CSPP1: variants seen among roughly 807,000 people sequenced by gnomAD.
CSPP1 encodes the protein centrosome and spindle pole associated protein 1.
Under a neutral mutation model 164.4 loss-of-function variants are expected in CSPP1, and 126 were observed. That is an observed-to-expected ratio of 0.77 (90% CI 0.66 to 0.89). The LOEUF is 0.89. Ranked by LOEUF, CSPP1 falls within the 40% of genes least tolerant of loss-of-function variation. The pLI, the probability that CSPP1 is intolerant of heterozygous loss-of-function variation, is 0.00. For missense variants in CSPP1, 1,395 were observed against 1,449.8 expected, an observed-to-expected ratio of 0.96 and a Z score of 0.61; for synonymous variants, 472 against 476.7, an observed-to-expected ratio of 0.99 and a Z score of 0.13.
rs750088196 is a variant in CSPP1, at chr8:67,118,788, C to T, written c.1664C>T (p.Ala555Val). The T allele has an allele frequency of 2.5e-6, 4 of 1,611,860 alleles. No individual in the cohort carries two copies. The South Asian group carries it at 3.3e-5, about 13-fold the overall frequency. ...MGVQPAAYVS[A>V]PVTHQLAQPV... ...GTACAGCCTGCAGCTTATGTTAGTG[C>T]TCCTGTCACCCACCAACTAGCACAA... is the stretch of plus-strand genomic sequence containing the variant. The change falls in exon 15 of 31, where the codon GCT becomes GTT. Residue 555 changes from alanine to valine, a missense_variant. By Grantham distance (64) the Ala-to-Val change is moderately conservative (BLOSUM62 0). Coordinates refer to ENST00000678616, the MANE Select transcript of CSPP1 (RefSeq NM_001382391.1).
At chr8:67,107,884 A>G (rs935933944) in intron 9 of CSPP1, among the ~76,000 whole-genome samples, 1 of 151,850 alleles carries the variant, frequency 6.6e-6, no homozygotes, top group Non-Finnish European at 1.5e-5. Flanking sequence ...TTTTCCTTCT[A>G]TCTTTTTTGT....
chr8:67,129,660 G>A (rs561279366), intron 15 of CSPP1, among the ~76,000 whole-genome samples: 14 of 152,266 alleles, frequency 9.2e-5, no homozygotes, highest in African/African-American at 2.6e-4. Context: ...ATATTCATGC[G>A]ATGAAGTACT....
chr8:67,182,042 C>A (rs904403796), intron 28 of CSPP1, among the ~76,000 whole-genome samples: 1 of 152,136 alleles, frequency 6.6e-6, no homozygotes, highest in Non-Finnish European at 1.5e-5. Context: ...ACCCTTGCCA[C>A]CCAGGCTGGA....
chr8:67,149,475 T>A (rs1393284322), intron 17 of CSPP1, among the ~76,000 whole-genome samples: 1 of 152,192 alleles, frequency 6.6e-6, no homozygotes, highest in Non-Finnish European at 1.5e-5. Context: ...CTATATTTTT[T>A]CTATATTAAA....
At chr8:67,193,121 G>T (rs1003276399) in intron 29 of CSPP1, among the ~76,000 whole-genome samples, 3 of 151,976 alleles carry the variant, frequency 2.0e-5, no homozygotes, top group Non-Finnish European at 4.4e-5. Context: ...TGATTTGCTG[G>T]TTTTTTTCTT....
At chr8:67,115,858 T>TC (rs903289159) in intron 12 of CSPP1, 56 bp from the exon 13 acceptor site, 109 of 1,408,064 alleles carry the variant, frequency 7.7e-5, no homozygotes, top group Non-Finnish European at 5.5e-5. Context: ...TGAGGTCCCT[T>TC]CCACCTTTAA....
intron 17 of CSPP1, among the ~76,000 whole-genome samples, chr8:67,142,851 T>A (rs192144314): frequency 6.6e-6 from 1 of 152,320 alleles, no homozygotes; most frequent in East Asian, 1.9e-4. Context: ...AAACTTTTAG[T>A]TATTTTATTG....
At chr8:67,175,054 C>CTTG in intron 25 of CSPP1, 1 of 428,296 alleles carries the variant, frequency 2.3e-6, no homozygotes, top group Non-Finnish European at 4.3e-6. Context: ...ACATCCACTG[C>CTTG]TTGTTCTGGG....
rs1307712715 is a variant in CSPP1, at chr8:67,113,819, A to G, written c.1202A>G (p.Glu401Gly). 5 of 1,573,454 alleles carry G rather than the reference A, an allele frequency of 3.2e-6. No homozygotes were observed. The highest frequency in any genetic ancestry group is 4.3e-6 in the Non-Finnish European group (5 of 1,153,386). Residue 401 changes from glutamate (E) to glycine (G), a missense_variant, in exon 11 of 31, where the codon GAA becomes GGA. Glu to Gly is a moderately conservative substitution (Grantham distance 98, BLOSUM62 -2). Coordinates refer to ENST00000678616, the MANE Select transcript of CSPP1 (RefSeq NM_001382391.1). ...QRNKRREKDL[E>G]LRVAASGAQD... is the part of the protein sequence containing the mutation. ...ATTTTGTTTAGAGAAAAAGATTTAG[A>G]ACTCAGGGTTGCAGCGTCTGGAGCA...
intron 29 of CSPP1, 43 bp from the exon 30 acceptor site, chr8:67,193,421 T>TTTTGTGAACATA (rs1563807954): frequency 6.3e-7 from 1 of 1,577,852 alleles, no homozygotes; most frequent in Non-Finnish European, 8.7e-7. Flanking sequence ...TGTGAACATA[T>TTTTGTGAACATA]TTTGTGTTAA....
chr8:67,156,168 A>G (rs983207627), intron 19 of CSPP1, among the ~76,000 whole-genome samples: 3 of 152,188 alleles, frequency 2.0e-5, no homozygotes, highest in Non-Finnish European at 4.4e-5. Context: ...ACTTTTACAT[A>G]TAGTGTCTCA....
intron 4 of CSPP1, chr8:67,086,686 T>G: frequency 2.5e-6 from 1 of 405,070 alleles, no homozygotes; most frequent in Non-Finnish European, 4.8e-6. Flanking sequence ...TTTGTTGTCA[T>G]CTCAAAATAT....
At position 67,115,938 on chromosome 8, in the gene CSPP1, G is replaced by GTGGC. The variant is rs753192435; in HGVS notation, c.1313_1316dup (p.Pro440GlyfsTer6). 1.2e-6 allele frequency: 2 copies of GTGGC among 1,613,742 alleles called. No individual in the cohort carries two copies. Among genetic ancestry groups the GTGGC allele is most frequent in the Admixed American group, 3.3e-5 (2 of 59,976 alleles). The stretch of plus-strand genomic sequence containing the variant: ...GCCTGATAGACTAAAGCAGTTTAGT[G>GTGGC]TGGCACCAAGACACTTTGAAGAGAT... On this transcript the variant is annotated frameshift_variant, in exon 13 of 31. Transcript: ENST00000678616. LOFTEE classifies it high-confidence loss of function.
At chr8:67,153,230 A>C (rs1826038019) in intron 18 of CSPP1, among the ~76,000 whole-genome samples, 1 of 152,124 alleles carries the variant, frequency 6.6e-6, no homozygotes, top group Non-Finnish European at 1.5e-5. Context: ...TACATGCTTT[A>C]GTTTAATGGT....
chr8:67,191,417 T>A (rs1271611135), intron 29 of CSPP1, among the ~76,000 whole-genome samples: 1 of 152,268 alleles, frequency 6.6e-6, no homozygotes, highest in Admixed American at 6.5e-5. Flanking sequence ...CGTTATTATA[T>A]GTACAGCATT....
At chr8:67,194,548 G>T (rs1837339615) in intron 30 of CSPP1, among the ~76,000 whole-genome samples, 1 of 152,196 alleles carries the variant, frequency 6.6e-6, no homozygotes, top group South Asian at 2.1e-4. Flanking sequence ...ATATATTTGA[G>T]GGAAGATAGC....
intron 16 of CSPP1, chr8:67,133,996 T>G (rs1821752893): frequency 6.6e-6 from 1 of 152,214 alleles, no homozygotes; most frequent in Non-Finnish European, 1.5e-5. Context: ...TAATTCCAGT[T>G]CTCTTGCTAT....
At chr8:67,117,665 C>T (rs535671625) in intron 13 of CSPP1, among the ~76,000 whole-genome samples, 2 of 152,308 alleles carry the variant, frequency 1.3e-5, no homozygotes, top group East Asian at 3.9e-4. Context: ...ACCATTTGTA[C>T]TCACACTGTT....
At chr8:67,180,296 A>G (rs1333042782) in intron 28 of CSPP1, among the ~76,000 whole-genome samples, 1 of 152,196 alleles carries the variant, frequency 6.6e-6, no homozygotes, top group Non-Finnish European at 1.5e-5. Flanking sequence ...AACTTGGATG[A>G]CTCTTCAGGG....
Sources: allele counts gnomAD v4.1 joint callset (sites outside exome capture counted in the v4.1 genomes callset), GRCh38; gene constraint gnomAD v4.1.1; transcripts MANE v1.5; gene names NCBI Gene and HGNC (gene_info 2026-07-23, HGNC 2026-07-21).